The following MYO16 variants were observed in gnomAD, a reference collection of about 807,000 sequenced individuals.
MYO16 encodes the protein myosin XVI.
Under a neutral mutation model 205.3 loss-of-function variants are expected in MYO16, and 94 were observed. The observed-to-expected ratio is 0.46, with a 90% CI of 0.39 to 0.54. The LOEUF (loss-of-function observed/expected upper bound fraction) is 0.54, where lower values mean the gene tolerates loss of function less well. Among genes scored for constraint, MYO16 ranks in the 20% least tolerant of loss-of-function variants. MYO16 has a pLI of 0.00. For missense variants in MYO16, 2,315 were observed against 2,387.5 expected (o/e 0.97, Z 0.63); for synonymous variants, 988 against 954.0 (o/e 1.04, Z -0.66).
intron 2 of MYO16, among the ~76,000 whole-genome samples, chr13:108,685,980 T>A (rs1882661185): frequency 6.6e-6 from 1 of 152,178 alleles, no homozygotes; most frequent in African/African-American, 2.4e-5. Context: ...GAATAAACGG[T>A]CACTTTCTGA....
chr13:109,068,589 A>ATTT (rs35068937), intron 27 of MYO16, among the ~76,000 whole-genome samples: 11 of 132,398 alleles, frequency 8.3e-5, no homozygotes, highest in Non-Finnish European at 8.1e-5. Flanking sequence ...TAAGCCATGA[A>ATTT]TTTTTTTTTT....
intron 31 of MYO16, among the ~76,000 whole-genome samples, chr13:109,136,373 A>T (rs1253612081): frequency 1.3e-5 from 2 of 152,182 alleles, no homozygotes; most frequent in Admixed American, 6.5e-5. Flanking sequence ...GATTGCAGGC[A>T]TGAGTCACTG....
At chr13:108,811,576 C>G (rs1246143747) in intron 7 of MYO16, among the ~76,000 whole-genome samples, 2 of 151,860 alleles carry the variant, frequency 1.3e-5, no homozygotes. Context: ...CTTCTCTTTC[C>G]CATCCCCATC....
At chr13:108,802,458 A>G (rs1886995553) in intron 6 of MYO16, among the ~76,000 whole-genome samples, 1 of 152,152 alleles carries the variant, frequency 6.6e-6, no homozygotes, top group Non-Finnish European at 1.5e-5. Context: ...TCCATTATGT[A>G]TATATGCTAC....
At chr13:109,041,966 G>A (rs763902260) in intron 23 of MYO16, among the ~76,000 whole-genome samples, 17 of 151,832 alleles carry the variant, frequency 1.1e-4, no homozygotes, top group Non-Finnish European at 2.2e-4. Context: ...CTGGGTTCAA[G>A]CGATTCTCCT....
intron 7 of MYO16, among the ~76,000 whole-genome samples, chr13:108,807,112 A>C (rs1887139271): frequency 6.6e-6 from 1 of 152,198 alleles, no homozygotes; most frequent in African/African-American, 2.4e-5. Flanking sequence ...TTGCAGTCTC[A>C]TGAATCTGTA....
rs553137737 is a variant in MYO16, at chr13:109,203,437, T to C, written c.5416-3172T>C. On this transcript the variant is annotated intron_variant, in intron 34 of 34. Coordinates refer to ENST00000457511, the MANE Select transcript of MYO16 (RefSeq NM_001198950.3). ...ATTTTATGTTGACTTTTTTTTTTTTTCTCTCAGTAATTTAACCAGGAACAT... is the reference window on the plus strand; with the variant it reads ...ATTTTATGTTGACTTTTTTTTTTTTCCTCTCAGTAATTTAACCAGGAACAT... 1.0e-3 allele frequency among the ~76,000 whole-genome samples: 155 copies of C among 151,946 alleles called. 1 individual carries two copies. The highest frequency in any genetic ancestry group is 3.4e-3 in the Middle Eastern group (1 of 292).
chr13:109,048,682 C>T (rs1226988280), intron 24 of MYO16: 1 of 223,024 alleles, frequency 4.5e-6, no homozygotes, highest in Non-Finnish European at 8.7e-6. Flanking sequence ...TACTTTGATG[C>T]TTGTACATAT....
chr13:108,751,500 A>AG, intron 4 of MYO16, among the ~76,000 whole-genome samples: 1 of 152,348 alleles, frequency 6.6e-6, no homozygotes, highest in East Asian at 1.9e-4. Context: ...AAGATTTCCA[A>AG]ATAAGTATGT....
At chr13:109,165,853 C>T (rs529649890) in intron 33 of MYO16, among the ~76,000 whole-genome samples, 1 of 152,158 alleles carries the variant, frequency 6.6e-6, no homozygotes, top group Non-Finnish European at 1.5e-5. Context: ...GAAACTGAGT[C>T]GTGGCCCCAC....
chr13:108,608,728 C>G (rs192691432), intron 1 of MYO16, among the ~76,000 whole-genome samples: 33 of 152,002 alleles, frequency 2.2e-4, no homozygotes, highest in Non-Finnish European at 4.9e-4. Context: ...CTGCAACCTC[C>G]GCCTCCAGGG....
intron 4 of MYO16, among the ~76,000 whole-genome samples, chr13:108,728,259 C>T (rs1884406276): frequency 6.6e-6 from 1 of 152,194 alleles, no homozygotes; most frequent in South Asian, 2.1e-4. Flanking sequence ...TGGATTTTCA[C>T]ATTTTTTTAT....
At chr13:108,695,581 G>A (rs951072489) in intron 2 of MYO16, among the ~76,000 whole-genome samples, 1 of 151,564 alleles carries the variant, frequency 6.6e-6, no homozygotes, top group Non-Finnish European at 1.5e-5. Context: ...TGGGGATTTC[G>A]ATAGGGTGGA....
At chr13:108,654,344 A>G (rs1881147881) in intron 1 of MYO16, among the ~76,000 whole-genome samples, 1 of 152,298 alleles carries the variant, frequency 6.6e-6, no homozygotes, top group Non-Finnish European at 1.5e-5. Flanking sequence ...AAGTCTCACG[A>G]GATCTGATGG....
intron 27 of MYO16, among the ~76,000 whole-genome samples, chr13:109,088,420 G>A (rs955756442): frequency 9.9e-5 from 15 of 152,150 alleles, no homozygotes; most frequent in African/African-American, 3.4e-4. Context: ...AAAATGAAAC[G>A]GTGGGACCAG....
Position 108,965,787 on chromosome 13 carries a change from A to G in MYO16, c.2369+885A>G, listed in dbSNP as rs761674280. On this transcript the variant is annotated intron_variant, in intron 20 of 34. Transcript: ENST00000457511. Reference sequence around the variant, plus strand: ...CTCTCCATTACATATTATCAGTGGAAAACTTTCTTGTTATTCTTGTCACTA... The same window carrying G: ...CTCTCCATTACATATTATCAGTGGAGAACTTTCTTGTTATTCTTGTCACTA... 9.2e-5 allele frequency among the ~76,000 whole-genome samples: 14 copies of G among 152,340 alleles called. No homozygotes were observed. In the East Asian group the frequency reaches 2.7e-3, roughly 29 times the overall value.
intron 16 of MYO16, among the ~76,000 whole-genome samples, chr13:108,935,214 A>G (rs988757046): frequency 6.6e-6 from 1 of 152,156 alleles, no homozygotes; most frequent in Admixed American, 6.5e-5. Flanking sequence ...TTGGGGCAGT[A>G]TGGTCATATT....
At chr13:108,915,751 G>T (rs529499739) in intron 16 of MYO16, among the ~76,000 whole-genome samples, 167 of 152,318 alleles carry the variant, frequency 1.1e-3, no homozygotes, top group African/African-American at 3.6e-3. Flanking sequence ...TGGTGGAAAT[G>T]ATTGTGGTGC....
chr13:108,721,979 C>T (rs976877490), intron 3 of MYO16, among the ~76,000 whole-genome samples: 1 of 152,108 alleles, frequency 6.6e-6, no homozygotes, highest in African/African-American at 2.4e-5. Flanking sequence ...TATAGTCACA[C>T]GGGGCCTTCT....
Sources: allele counts gnomAD v4.1 joint callset (sites outside exome capture counted in the v4.1 genomes callset), GRCh38; gene constraint gnomAD v4.1.1; transcripts MANE v1.5; gene names NCBI Gene and HGNC (gene_info 2026-07-23, HGNC 2026-07-21).